The following NASP variants were observed in gnomAD, a reference collection of about 807,000 sequenced individuals.
NASP encodes the protein NASP histone chaperone.
A neutral mutation model predicts 89.5 loss-of-function variants in NASP; 24 were observed. The ratio of observed to expected loss-of-function variants is 0.27; its 90% CI spans 0.19 to 0.38. The LOEUF (loss-of-function observed/expected upper bound fraction) is 0.38, where lower values mean the gene tolerates loss of function less well. Among genes scored for constraint, NASP ranks in the 10% least tolerant of loss-of-function variants. NASP has a pLI of 1.00. For missense variants in NASP, 848 were observed against 921.4 expected, an observed-to-expected ratio of 0.92 and a Z score of 1.03; for synonymous variants, 306 against 324.7, an observed-to-expected ratio of 0.94 and a Z score of 0.62.
At chr1:45,603,829 G>A (rs1643880236) in intron 3 of NASP, among the ~76,000 whole-genome samples, 1 of 152,008 alleles carries the variant, frequency 6.6e-6, no homozygotes, top group South Asian at 2.1e-4. Context: ...GGCTGGTCTC[G>A]AACGCCCGAC....
At chr1:45,613,130 T>G in intron 6 of NASP, 39 bp from the exon 7 acceptor site, 2 of 1,584,098 alleles carry the variant, frequency 1.3e-6, no homozygotes, top group Non-Finnish European at 1.7e-6. Context: ...GAATACGTTC[T>G]TAGTTATATT....
chr1:45,604,832 A>G (rs1643888707), intron 3 of NASP, 104 bp from the exon 4 acceptor site: 5 of 868,840 alleles, frequency 5.8e-6, no homozygotes, highest in Non-Finnish European at 9.0e-6. Flanking sequence ...TTGGTTTTCT[A>G]GGAGTATGTT....
At chr1:45,593,251 C>T (rs1035152330) in intron 2 of NASP, among the ~76,000 whole-genome samples, 2 of 151,706 alleles carry the variant, frequency 1.3e-5, no homozygotes, top group African/African-American at 4.8e-5. Context: ...GAAATAACTC[C>T]GGCCAGGCAG....
intron 2 of NASP, among the ~76,000 whole-genome samples, chr1:45,593,329 T>G (rs1333007041): frequency 6.6e-6 from 1 of 152,048 alleles, no homozygotes; most frequent in African/African-American, 2.4e-5. Flanking sequence ...GGTCAGGAGT[T>G]CAAGACCAGC....
intron 1 of NASP, among the ~76,000 whole-genome samples, chr1:45,586,261 T>TGTGTGTGTGTGTGTGTGTGTGTG (rs1300369621): frequency 1.5e-5 from 1 of 65,976 alleles, no homozygotes; most frequent in African/African-American, 6.7e-5. Flanking sequence ...TGTGTGTGTG[T>TGTGTGTGTGTGTGTGTGTGTGTG]GTGTGTGTGT....
intron 4 of NASP, chr1:45,605,840 G>C (rs1643901426): frequency 6.6e-6 from 1 of 151,304 alleles, no homozygotes; most frequent in Non-Finnish European, 1.5e-5. Flanking sequence ...GCAATGGTGC[G>C]ATCTCTGCTC....
chr1:45,599,953 A>ATTTTTTTTTTTTTTTTTTTTTTTTTT (rs11302173), intron 2 of NASP, among the ~76,000 whole-genome samples: 1 of 79,074 alleles, frequency 1.3e-5, no homozygotes, highest in Non-Finnish European at 2.4e-5. Flanking sequence ...TTTCCTCTGT[A>ATTTTTTTTTTTTTTTTTTTTTTTTTT]TTTTTTTTTT....
chr1:45,592,411 C>T (rs1438358198), intron 2 of NASP, among the ~76,000 whole-genome samples: 1 of 152,214 alleles, frequency 6.6e-6, no homozygotes, highest in African/African-American at 2.4e-5. Context: ...CCATGCCCAG[C>T]TGATTTTATT....
intron 1 of NASP, among the ~76,000 whole-genome samples, chr1:45,584,495 C>G (rs1644498779): frequency 1.3e-5 from 2 of 152,230 alleles, no homozygotes; most frequent in South Asian, 2.1e-4. Context: ...CTTCCTCCCC[C>G]AGCCCGGGGC....
chr1:45,614,076 A>T lies in NASP; in HGVS notation c.1507-20A>T, dbSNP rs200337840. 3.7e-3 allele frequency: 5,603 copies of T among 1,517,080 alleles called. 19 individuals carry two copies. The highest frequency in any genetic ancestry group is 4.4e-3 in the Non-Finnish European group (4,794 of 1,097,784). 94.0% of individuals were successfully genotyped at this position (1,517,080 alleles called of 1,614,324 possible). A position where few individuals can be genotyped will look rare whatever the true frequency, so the allele number is the denominator to read the frequency against. On this transcript the variant is annotated intron_variant, in intron 7 of 14. Coordinates refer to ENST00000350030, the MANE Select transcript of NASP (RefSeq NM_002482.4). ...ATTTGAAAAAGATGCCTATCTTTTT[A>T]TTATTTGGTTATACTTTAGTCTCTT... is the stretch of plus-strand genomic sequence containing the variant.
At chr1:45,603,536 G>A (rs889072471) in intron 3 of NASP, among the ~76,000 whole-genome samples, 3 of 149,160 alleles carry the variant, frequency 2.0e-5, no homozygotes, top group Non-Finnish European at 3.0e-5. Flanking sequence ...TGTCCTCTTT[G>A]TTCCTCTCTG....
intron 1 of NASP, among the ~76,000 whole-genome samples, chr1:45,585,554 G>A (rs1644521558): frequency 6.6e-6 from 1 of 152,118 alleles, no homozygotes; most frequent in Non-Finnish European, 1.5e-5. Context: ...TTCGATATAA[G>A]CAGTATAGAT....
intron 2 of NASP, among the ~76,000 whole-genome samples, chr1:45,591,670 AACGTT>A (rs1221166209): frequency 1.3e-4 from 19 of 151,996 alleles, no homozygotes; most frequent in Non-Finnish European, 8.8e-5. Flanking sequence ...CTCCCCCTGT[AACGTT>A]TCCATCTTGA....
intron 2 of NASP, among the ~76,000 whole-genome samples, chr1:45,598,248 G>A (rs1557655034): frequency 6.8e-6 from 1 of 147,560 alleles, no homozygotes; most frequent in Non-Finnish European, 1.5e-5. Context: ...TTGGCTCACT[G>A]CAGCCTCCTT....
At chr1:45,612,153 G>T (rs939671052) in intron 6 of NASP, 3 of 152,082 alleles carry the variant, frequency 2.0e-5, no homozygotes, top group Admixed American at 6.5e-5. Flanking sequence ...GATTACAGGC[G>T]TGAGTCACCG....
Position 45,616,626 on chromosome 1 carries a change from A to C in NASP, c.2080A>C (p.Ile694Leu). The stretch of plus-strand genomic sequence containing the variant: ...TGCTAATAAGGGCTTATTTTGCCAG[A>C]TTGCCAGTAGAAAGCCAACAGACGG... The part of the protein sequence containing the change: ...PGGGGSSVSM[I>L]ASRKPTDGAS... Residue 694 changes from isoleucine (I) to leucine (L), a missense_variant and splice_region_variant, in exon 13 of 15, where the codon ATT becomes CTT. Coordinates refer to ENST00000350030, the MANE Select transcript of NASP (RefSeq NM_002482.4). 1 of 1,613,858 alleles carries C rather than the reference A, an allele frequency of 6.2e-7. No individual in the cohort carries two copies. The highest frequency in any genetic ancestry group is 8.5e-7 in the Non-Finnish European group (1 of 1,179,716).
At chr1:45,604,832 AG>A (rs1444232029) in intron 3 of NASP, 103 bp from the exon 4 acceptor site, 1 of 868,722 alleles carries the variant, frequency 1.2e-6, no homozygotes, top group East Asian at 2.5e-5. Context: ...TTGGTTTTCT[AG>A]GAGTATGTTA....
At chr1:45,607,159 G>A (rs1163926476) in intron 5 of NASP, 162 bp from the exon 6 acceptor site, 9 of 698,050 alleles carry the variant, frequency 1.3e-5, no homozygotes, top group African/African-American at 1.8e-5. Flanking sequence ...TAGCCGGGAT[G>A]CTCCCTTTCC....
At chr1:45,585,722 T>G (rs956720119) in intron 1 of NASP, among the ~76,000 whole-genome samples, 1 of 152,168 alleles carries the variant, frequency 6.6e-6, no homozygotes, top group Non-Finnish European at 1.5e-5. Context: ...GAGTGTAGTG[T>G]TGTGATCATA....
Sources: gnomAD v4.1 joint callset for allele counts (sites outside exome capture counted in the v4.1 genomes callset) on GRCh38, gnomAD v4.1.1 for gene constraint, MANE v1.5 for transcripts, NCBI Gene and HGNC (gene_info 2026-07-23, HGNC 2026-07-21) for gene names.